MAD1L1: variants seen among roughly 807,000 people sequenced by gnomAD.
MAD1L1 encodes the protein mitotic spindle assembly checkpoint protein MAD1.
Under a neutral mutation model 96.9 loss-of-function variants are expected in MAD1L1, and 95 were observed. The ratio of observed to expected loss-of-function variants is 0.98; its 90% confidence interval spans 0.83 to 1.16. The LOEUF is 1.16. Among genes scored for constraint, MAD1L1 ranks in the 50% most tolerant of loss-of-function variants. The pLI is 0.00. For missense variants in MAD1L1, 1,007 were observed against 954.4 expected, an observed-to-expected ratio of 1.06 and a Z score of -0.73; for synonymous variants, 473 against 396.6, an observed-to-expected ratio of 1.19 and a Z score of -2.29.
chr7:1,868,900 C>T (rs1237996628), intron 18 of MAD1L1, among the ~76,000 whole-genome samples: 2 of 152,208 alleles, frequency 1.3e-5, no homozygotes, highest in Non-Finnish European at 2.9e-5. Context: ...GCCTCTTCCC[C>T]ACACGGACGA....
chr7:2,158,587 A>G (rs1302682996), intron 10 of MAD1L1, among the ~76,000 whole-genome samples: 4 of 152,236 alleles, frequency 2.6e-5, no homozygotes, highest in African/African-American at 9.6e-5. Flanking sequence ...TAGGAATAAA[A>G]TACATTAGAC....
chr7:1,901,882 G>A (rs1306201766), intron 17 of MAD1L1, among the ~76,000 whole-genome samples: 2 of 152,160 alleles, frequency 1.3e-5, no homozygotes, highest in African/African-American at 4.8e-5. Context: ...GGCCCTCCTC[G>A]GGCCCCTCCT....
chr7:1,834,628 T>C (rs61164094), intron 18 of MAD1L1, among the ~76,000 whole-genome samples: 69,643 of 152,150 alleles, frequency 0.46, 16,159 homozygotes, highest in African/African-American at 0.51. Context: ...GATGTGTAGT[T>C]AAAACCTCAG....
chr7:1,975,817 C>A (rs373057831), intron 15 of MAD1L1, among the ~76,000 whole-genome samples: 1 of 152,066 alleles, frequency 6.6e-6, no homozygotes, highest in East Asian at 1.9e-4. Context: ...CAGCACCTCC[C>A]GGGACCCAGA....
chr7:1,953,966 C>T (rs1025261657), intron 16 of MAD1L1, among the ~76,000 whole-genome samples: 3 of 152,174 alleles, frequency 2.0e-5, no homozygotes, highest in Admixed American at 6.5e-5. Flanking sequence ...CCAGTGCGGC[C>T]TCCACTGGAC....
chr7:1,935,103 C>T (rs918020068), intron 17 of MAD1L1, among the ~76,000 whole-genome samples: 6 of 152,274 alleles, frequency 3.9e-5, no homozygotes, highest in Non-Finnish European at 8.8e-5. Flanking sequence ...AGCCAAGGCA[C>T]AGGCCCGTGA....
chr7:2,230,201 T>A, intron 2 of MAD1L1, 58 bp from the exon 3 acceptor site: 2 of 1,450,734 alleles, frequency 1.4e-6, no homozygotes, highest in Admixed American at 2.0e-5. Context: ...CCATCAGCCG[T>A]GCAGTCAGCA....
chr7:1,863,215 G>A (rs931706767), intron 18 of MAD1L1, among the ~76,000 whole-genome samples: 7 of 152,286 alleles, frequency 4.6e-5, no homozygotes, highest in African/African-American at 1.4e-4. Flanking sequence ...TCCGAAGACG[G>A]GGTTAGCGGA....
At chr7:2,098,725 C>T (rs984917658) in intron 11 of MAD1L1, among the ~76,000 whole-genome samples, 3 of 152,142 alleles carry the variant, frequency 2.0e-5, no homozygotes, top group East Asian at 1.9e-4. Context: ...CTACCACACC[C>T]GATAGCTGCC....
chr7:1,928,161 A>G, intron 17 of MAD1L1, among the ~76,000 whole-genome samples: 1 of 147,700 alleles, frequency 6.8e-6, no homozygotes, highest in South Asian at 2.2e-4. Context: ...CCATGACGGA[A>G]CTCCCGCCAC....
chr7:2,050,465 G>A (rs1480221333), intron 12 of MAD1L1, among the ~76,000 whole-genome samples: 1 of 152,244 alleles, frequency 6.6e-6, no homozygotes, highest in Non-Finnish European at 1.5e-5. Flanking sequence ...GCTGGTGTCA[G>A]GCTGTGGCTT....
chr7:2,214,288 C>A (rs1008770455), intron 9 of MAD1L1, among the ~76,000 whole-genome samples: 1 of 152,150 alleles, frequency 6.6e-6, no homozygotes, highest in African/African-American at 2.4e-5. Context: ...AATTACACCG[C>A]GGGAGAGAGA....
intron 10 of MAD1L1, among the ~76,000 whole-genome samples, chr7:2,165,133 G>A (rs1286253257): frequency 2.6e-5 from 4 of 152,044 alleles, no homozygotes; most frequent in African/African-American, 2.4e-5. Flanking sequence ...CAACCCGGGA[G>A]GTGGAGGTTG....
At chr7:2,041,842 G>A (rs1282283141) in intron 12 of MAD1L1, among the ~76,000 whole-genome samples, 2 of 152,106 alleles carry the variant, frequency 1.3e-5, no homozygotes, top group Non-Finnish European at 1.5e-5. Flanking sequence ...CAGGGGGGAG[G>A]GATACTGAAC....
intron 16 of MAD1L1, among the ~76,000 whole-genome samples, chr7:1,951,591 T>C (rs1762443860): frequency 6.6e-6 from 1 of 152,112 alleles, no homozygotes; most frequent in Admixed American, 6.5e-5. Flanking sequence ...TCACTCTCCA[T>C]TCCCCTGCCC....
chr7:2,091,879 C>G (rs1786235043), intron 11 of MAD1L1, among the ~76,000 whole-genome samples: 1 of 152,060 alleles, frequency 6.6e-6, no homozygotes, highest in Admixed American at 6.6e-5. Context: ...ATTTGTTTAT[C>G]TGTTCCTCTG....
At position 2,216,307 on chromosome 7, in the gene MAD1L1, GAGA is replaced by G; in HGVS notation, c.679-23_679-21del. On this transcript the variant is annotated intron_variant, in intron 7 of 18. Coordinates refer to ENST00000265854, the MANE Select transcript of MAD1L1 (RefSeq NM_001013836.2). Reference sequence around the variant, plus strand: ...CAGATCCTGATGGAGGCCAGGGACAGAGAAGAAGGGAAAAATGAGCCACGAAGA... The same window carrying G: ...CAGATCCTGATGGAGGCCAGGGACAGAGAAGGGAAAAATGAGCCACGAAGA... 3.1e-6 allele frequency: 5 copies of G among 1,606,660 alleles called. No homozygotes were observed. The highest frequency in any genetic ancestry group is 3.4e-6 in the Non-Finnish European group (4 of 1,177,880).
At chr7:2,182,871 G>A (rs1197001319) in intron 10 of MAD1L1, among the ~76,000 whole-genome samples, 2 of 152,188 alleles carry the variant, frequency 1.3e-5, no homozygotes, top group African/African-American at 2.4e-5. Context: ...GAATTAGACA[G>A]TAGGTATGAG....
At chr7:2,157,301 C>G (rs1425536044) in intron 10 of MAD1L1, among the ~76,000 whole-genome samples, 2 of 152,178 alleles carry the variant, frequency 1.3e-5, no homozygotes, top group Non-Finnish European at 2.9e-5. Context: ...TCACCGTGAT[C>G]AGGAAGCGGT....
Sources: gnomAD v4.1 joint callset for allele counts (sites outside exome capture counted in the v4.1 genomes callset) on GRCh38, gnomAD v4.1.1 for gene constraint, MANE v1.5 for transcripts, NCBI Gene and HGNC (gene_info 2026-07-23, HGNC 2026-07-21) for gene names.